SASS6: variants seen among roughly 807,000 people sequenced by gnomAD.
The protein encoded by SASS6 is spindle assembly abnormal protein 6 homolog.
SASS6 carries 59 observed loss-of-function variants against 94.9 expected under a neutral mutation model. The ratio of observed to expected loss-of-function variants is 0.62; its 90% CI spans 0.50 to 0.77. The LOEUF (loss-of-function observed/expected upper bound fraction) is 0.77. SASS6 is among the 30% of genes least tolerant of loss of function. The probability of loss-of-function intolerance (pLI) is 0.00; values close to 1 mark genes in which losing one functional copy is unlikely to be tolerated. For synonymous variants in SASS6, 264 were observed against 270.0 expected (o/e 0.98, Z 0.22); for missense variants, 698 against 734.1 (o/e 0.95, Z 0.57).
rs766737160 is a variant in SASS6, at chr1:100,107,718, C to T, written c.1057-1G>A. 1 of 1,587,766 alleles carries T rather than the reference C, an allele frequency of 6.3e-7. No individual in the cohort carries two copies. Among genetic ancestry groups the T allele is most frequent in the Admixed American group, 1.7e-5 (1 of 58,348 alleles). On this transcript the variant is annotated splice_acceptor_variant, in intron 9 of 16. Transcript: ENST00000287482. LOFTEE classifies it high-confidence loss of function. ...TCTCACCATTTTCTTCTAAAACCAC[C>T]TGATATATTTTTTAAAAACATGAAT...
rs183170304 is a variant in SASS6, at chr1:100,121,148, G to A, written c.483+230C>T. 4.9e-4 allele frequency among the ~76,000 whole-genome samples: 74 copies of A among 151,746 alleles called. 1 individual carries two copies. The highest frequency in any genetic ancestry group is 3.4e-3 in the Middle Eastern group (1 of 290). The stretch of plus-strand genomic sequence containing the variant: ...CATGACAGAAGAGTTTAAGTGACCT[G>A]TCCAAAATCACACGATTGGTAAAAA... On this transcript the variant is annotated intron_variant, in intron 5 of 16. Coordinates refer to ENST00000287482, the MANE Select transcript of SASS6 (RefSeq NM_194292.3).
chr1:100,114,544 A>G (rs944815254), intron 7 of SASS6, among the ~76,000 whole-genome samples: 2 of 149,152 alleles, frequency 1.3e-5, no homozygotes, highest in African/African-American at 5.0e-5. Flanking sequence ...AAATAAAAAT[A>G]AAATAAAAAT....
In SASS6 at chr1:100,110,280, A is replaced by G; in HGVS notation, c.861+12T>C. The G allele has an allele frequency of 6.7e-7, 1 of 1,490,720 alleles. No homozygotes were observed. Among genetic ancestry groups the G allele is most frequent in the Non-Finnish European group, 9.0e-7 (1 of 1,112,266 alleles). The allele number at this position is 1,490,720 out of a possible 1,614,324, so 92.3% of individuals were successfully genotyped here. A position where few individuals can be genotyped will look rare whatever the true frequency, so the allele number is the denominator to read the frequency against. On this transcript the variant is annotated intron_variant, in intron 8 of 16. Coordinates refer to ENST00000287482, the MANE Select transcript of SASS6 (RefSeq NM_194292.3). ...CTTAAATTGGGGGAGGAAAAAAAAC[A>G]ACATTCAATACCTCTTCAACACCAG...
Position 100,085,351 on chromosome 1 carries a change from G to A in SASS6, c.1951C>T (p.Pro651Ser). ...AATTAACTGTTTGGTAACTGCCCAG[G>A]GAAATAGGCTGAAGACGCAGAGGGG... ...ALPSASSAYF[P>S]GQLPNS is the part of the protein sequence containing the mutation. The change falls in exon 17 of 17, where the codon CCT (proline) becomes TCT (serine). Residue 651 changes from proline to serine, a missense_variant. Pro to Ser is a moderately conservative substitution (Grantham distance 74, BLOSUM62 -1). Coordinates refer to ENST00000287482, the MANE Select transcript of SASS6 (RefSeq NM_194292.3). The A allele has an allele frequency of 5.0e-6, 8 of 1,611,574 alleles. No homozygotes were observed. Among genetic ancestry groups the A allele is most frequent in the Non-Finnish European group, 6.8e-6 (8 of 1,177,714 alleles).
intron 15 of SASS6, 73 bp from the exon 16 acceptor site, chr1:100,085,703 CATAT>C: frequency 2.4e-6 from 2 of 826,374 alleles, no homozygotes; most frequent in Non-Finnish European, 2.0e-6. Flanking sequence ...CATATGTATA[CATAT>C]ATATAAGATA....
At chr1:100,091,880 G>GA (rs1412101097) in intron 14 of SASS6, among the ~76,000 whole-genome samples, 1 of 150,954 alleles carries the variant, frequency 6.6e-6, no homozygotes, top group Admixed American at 6.6e-5. Flanking sequence ...GTGTTCTGCA[G>GA]AAAAAAATAT....
At chr1:100,105,362 C>T (rs957478871) in intron 13 of SASS6, among the ~76,000 whole-genome samples, 1 of 151,948 alleles carries the variant, frequency 6.6e-6, no homozygotes, top group African/African-American at 2.4e-5. Flanking sequence ...TCTGTTTCTA[C>T]TAAAAATACA....
intron 7 of SASS6, among the ~76,000 whole-genome samples, chr1:100,112,108 A>T (rs554743915): frequency 3.3e-5 from 5 of 152,298 alleles, no homozygotes; most frequent in African/African-American, 1.2e-4. Flanking sequence ...AAAAAAAATA[A>T]TCATTGGAAG....
chr1:100,089,422 CA>C (rs1651525833), intron 14 of SASS6, among the ~76,000 whole-genome samples: 2 of 151,996 alleles, frequency 1.3e-5, no homozygotes, highest in Admixed American at 1.3e-4. Context: ...CCCAATTAAA[CA>C]ATAATACACA....
chr1:100,085,492 T>A (rs754332309), intron 16 of SASS6, 44 bp downstream of exon 16: 1 of 1,571,234 alleles, frequency 6.4e-7, no homozygotes, highest in Admixed American at 1.7e-5. Flanking sequence ...TACATTAAAT[T>A]TAATTCAACT....
At chr1:100,123,870 A>T (rs1654380803) in intron 2 of SASS6, among the ~76,000 whole-genome samples, 1 of 152,238 alleles carries the variant, frequency 6.6e-6, no homozygotes, top group Non-Finnish European at 1.5e-5. Flanking sequence ...TGAAGTAAGT[A>T]CCTTTCATAA....
At position 100,132,772 on chromosome 1, in the gene SASS6, T is replaced by A; in HGVS notation, c.43A>T (p.Lys15Ter). 1 of 1,614,104 alleles carries A rather than the reference T, an allele frequency of 6.2e-7. No homozygotes were observed. Residue 15 changes from lysine to a stop codon, truncating the protein, a stop_gained, in exon 1 of 17, where the codon AAA becomes TAA. Transcript: ENST00000287482. LOFTEE classifies it high-confidence loss of function. ...TACCTCTCCTCACAGTCTTTGCATTTCACCTGCAACGGGACTAGTTGGTGG... is the reference window on the plus strand; with the variant it reads ...TACCTCTCCTCACAGTCTTTGCATTACACCTGCAACGGGACTAGTTGGTGG... ...LFHQLVPLQV[K>*]CKDCEERRVS...
intron 1 of SASS6, 91 bp from the exon 2 acceptor site, chr1:100,126,033 A>G (rs1193311514): frequency 6.0e-6 from 4 of 667,492 alleles, no homozygotes; most frequent in Admixed American, 5.8e-5. Flanking sequence ...CTTAAGTGAC[A>G]AGACTTTCCA....
At chr1:100,099,848 T>A (rs1651276167) in intron 14 of SASS6, among the ~76,000 whole-genome samples, 1 of 152,140 alleles carries the variant, frequency 6.6e-6, no homozygotes, top group South Asian at 2.1e-4. Flanking sequence ...CAGAATTGTC[T>A]CCCTAAGCCT....
intron 11 of SASS6, 128 bp from the exon 12 acceptor site, chr1:100,107,121 GA>G: frequency 1.6e-6 from 1 of 607,420 alleles, no homozygotes; most frequent in Non-Finnish European, 2.9e-6. Flanking sequence ...GAGAATAAAG[GA>G]ATTAGCTCAA....
chr1:100,087,245 AG>A (rs2101635342), intron 15 of SASS6, among the ~76,000 whole-genome samples: 1 of 152,300 alleles, frequency 6.6e-6, no homozygotes, highest in African/African-American at 2.4e-5. Context: ...GGCCTCCCAA[AG>A]TGTTGGGATT....
intron 15 of SASS6, among the ~76,000 whole-genome samples, chr1:100,086,302 G>C (rs1651255517): frequency 6.6e-6 from 1 of 152,030 alleles, no homozygotes; most frequent in Non-Finnish European, 1.5e-5. Flanking sequence ...AGAAATAAGT[G>C]GGTGAACAGA....
chr1:100,124,068 C>A (rs1342646658), intron 2 of SASS6, among the ~76,000 whole-genome samples: 3 of 152,176 alleles, frequency 2.0e-5, no homozygotes, highest in African/African-American at 7.2e-5. Flanking sequence ...GAAATAAAAT[C>A]TCTACTCATG....
At chr1:100,122,831 G>A (rs615891) in intron 3 of SASS6, among the ~76,000 whole-genome samples, 1,564 of 152,122 alleles carry the variant, frequency 0.01, 33 homozygotes, top group African/African-American at 0.036. Context: ...GATTACAGGC[G>A]TGAGCCACCG....
Sources: gnomAD v4.1 joint callset for allele counts (sites outside exome capture counted in the v4.1 genomes callset) on GRCh38, gnomAD v4.1.1 for gene constraint, MANE v1.5 for transcripts, NCBI Gene and HGNC (gene_info 2026-07-23, HGNC 2026-07-21) for gene names.